Variants in ROR1 observed in about 807,000 individuals in gnomAD.
The protein encoded by ROR1 is inactive tyrosine-protein kinase transmembrane receptor ROR1.
In ROR1, 19 loss-of-function variants were observed where a neutral mutation model predicts 78.8. The ratio of observed to expected loss-of-function variants is 0.24; its 90% CI spans 0.17 to 0.35. ROR1 has a LOEUF of 0.35. ROR1 is among the 10% of genes least tolerant of loss of function. ROR1 has a pLI of 1.00. For synonymous variants in ROR1, 386 were observed against 433.6 expected (o/e 0.89, Z 1.36); for missense variants, 917 against 1,177.8 (o/e 0.78, Z 3.24).
intron 1 of ROR1, among the ~76,000 whole-genome samples, chr1:63,862,298 A>G (rs602947): frequency 0.21 from 32,255 of 150,682 alleles, 7,359 homozygotes; most frequent in African/African-American, 0.58. Flanking sequence ...GGAGGCTGAG[A>G]CAGGAGAATC....
chr1:64,060,707 G>C (rs578115594), intron 4 of ROR1, among the ~76,000 whole-genome samples: 31 of 152,272 alleles, frequency 2.0e-4, no homozygotes, highest in African/African-American at 7.2e-4. Flanking sequence ...CAGTAAAGCA[G>C]CTAACCTCCA....
intron 1 of ROR1, among the ~76,000 whole-genome samples, chr1:63,854,249 AT>A (rs377044241): frequency 1.3e-5 from 2 of 152,202 alleles, no homozygotes; most frequent in Admixed American, 6.5e-5. Flanking sequence ...TATTTAAGGC[AT>A]TCTTCAGTAG....
intron 1 of ROR1, among the ~76,000 whole-genome samples, chr1:64,005,976 C>T (rs987931349): frequency 6.6e-6 from 1 of 152,138 alleles, no homozygotes; most frequent in Non-Finnish European, 1.5e-5. Context: ...ATCTTTGCTA[C>T]AGCCCAAGAA....
At chr1:64,002,073 A>G (rs140183415) in intron 1 of ROR1, among the ~76,000 whole-genome samples, 1 of 150,322 alleles carries the variant, frequency 6.7e-6, no homozygotes, top group East Asian at 2.0e-4. Flanking sequence ...GTTTGTGGTC[A>G]TGTACTCCTC....
intron 1 of ROR1, among the ~76,000 whole-genome samples, chr1:63,842,682 CTT>C (rs575879991): frequency 6.8e-6 from 1 of 146,902 alleles, no homozygotes; most frequent in Non-Finnish European, 1.5e-5. Flanking sequence ...TTTGCTCCTT[CTT>C]TTTTTTTTTA....
At chr1:63,916,263 G>T (rs1351391733) in intron 1 of ROR1, among the ~76,000 whole-genome samples, 1 of 152,170 alleles carries the variant, frequency 6.6e-6, no homozygotes, top group Non-Finnish European at 1.5e-5. Context: ...AAGGCAAGAG[G>T]ATACAAAGAG....
chr1:63,996,428 A>G (rs1646337487), intron 1 of ROR1, among the ~76,000 whole-genome samples: 2 of 152,310 alleles, frequency 1.3e-5, no homozygotes, highest in East Asian at 3.9e-4. Context: ...CAGGCGAAAC[A>G]TTTTAAACTG....
At position 64,179,434 on chromosome 1, in the gene ROR1, T is replaced by C. The variant is rs1650490814; in HGVS notation, c.*579T>C. 6.5e-6 allele frequency: 1 copy of C among 152,900 alleles called. No individual in the cohort carries two copies. Among genetic ancestry groups the C allele is most frequent in the Non-Finnish European group, 1.5e-5 (1 of 68,642 alleles). 9.5% of individuals were successfully genotyped at this position (152,900 alleles called of 1,614,324 possible). ...GCCATAAGGGAAGTATAACAAGCCC[T>C]GAAGCCTTTTATGTCGTTGTGCTTC... On this transcript the variant is annotated 3_prime_UTR_variant, in exon 9 of 9. Coordinates refer to ENST00000371079, the MANE Select transcript of ROR1 (RefSeq NM_005012.4).
chr1:63,991,490 G>A (rs1379151679), intron 1 of ROR1, among the ~76,000 whole-genome samples: 1 of 152,168 alleles, frequency 6.6e-6, no homozygotes, highest in Non-Finnish European at 1.5e-5. Flanking sequence ...TGCCATATAT[G>A]CATTTGGAAT....
intron 4 of ROR1, among the ~76,000 whole-genome samples, chr1:64,086,527 C>G (rs930104019): frequency 8.5e-5 from 13 of 152,240 alleles, no homozygotes; most frequent in Non-Finnish European, 1.8e-4. Flanking sequence ...TAACCATCCT[C>G]TCTTCTAACC....
chr1:63,887,558 C>G (rs903104953), intron 1 of ROR1, among the ~76,000 whole-genome samples: 9 of 152,178 alleles, frequency 5.9e-5, no homozygotes, highest in African/African-American at 2.2e-4. Context: ...TACCCTGCCT[C>G]CCATCCCTAC....
intron 4 of ROR1, among the ~76,000 whole-genome samples, chr1:64,082,192 T>C (rs979562436): frequency 5.9e-5 from 9 of 152,164 alleles, no homozygotes; most frequent in Middle Eastern, 3.4e-3. Flanking sequence ...ATTTAGGGAA[T>C]GGATGAGGAA....
intron 1 of ROR1, among the ~76,000 whole-genome samples, chr1:63,848,493 A>T (rs1645095145): frequency 6.6e-6 from 1 of 152,182 alleles, no homozygotes; most frequent in Admixed American, 6.5e-5. Context: ...AAGCTTCAGG[A>T]TTATATTTTA....
intron 4 of ROR1, among the ~76,000 whole-genome samples, chr1:64,096,776 A>C (rs1173294159): frequency 6.6e-6 from 1 of 152,072 alleles, no homozygotes; most frequent in Non-Finnish European, 1.5e-5. Context: ...GGAATTGCTG[A>C]GTCTAATGGT....
At chr1:63,792,525 G>T (rs1644733312) in intron 1 of ROR1, among the ~76,000 whole-genome samples, 2 of 152,150 alleles carry the variant, frequency 1.3e-5, no homozygotes, top group Admixed American at 6.5e-5. Flanking sequence ...CTCAGTTTGG[G>T]CCTGGCCTGC....
chr1:64,123,323 C>T (rs1452483690), intron 4 of ROR1, among the ~76,000 whole-genome samples: 1 of 152,124 alleles, frequency 6.6e-6, no homozygotes, highest in Non-Finnish European at 1.5e-5. Flanking sequence ...ATTGTAAGTT[C>T]CCGGGGTTTT....
At chr1:63,910,082 C>T (rs1218942582) in intron 1 of ROR1, among the ~76,000 whole-genome samples, 1 of 152,134 alleles carries the variant, frequency 6.6e-6, no homozygotes, top group African/African-American at 2.4e-5. Context: ...ATCTATGAAG[C>T]AGTATTCACG....
At chr1:63,988,331 G>A (rs986171439) in intron 1 of ROR1, among the ~76,000 whole-genome samples, 3 of 152,016 alleles carry the variant, frequency 2.0e-5, no homozygotes, top group African/African-American at 7.2e-5. Flanking sequence ...TTTTAAAGTC[G>A]GAAGAGATCT....
chr1:64,151,476 A>G (rs1350370886), intron 7 of ROR1, among the ~76,000 whole-genome samples: 1 of 152,224 alleles, frequency 6.6e-6, no homozygotes, highest in East Asian at 1.9e-4. Context: ...GGAGCTGGTC[A>G]GAAAGGACTG....
Sources: allele counts gnomAD v4.1 joint callset (sites outside exome capture counted in the v4.1 genomes callset), GRCh38; gene constraint gnomAD v4.1.1; transcripts MANE v1.5; gene names NCBI Gene and HGNC (gene_info 2026-07-23, HGNC 2026-07-21).